RORA: variants seen among roughly 807,000 people sequenced by gnomAD.
RORA encodes RAR related orphan receptor A, also known as nuclear receptor ROR-alpha.
In RORA, 7 loss-of-function variants were observed where a neutral mutation model predicts 69.5. The observed-to-expected ratio is 0.10, with a 90% CI of 0.06 to 0.19. RORA has a LOEUF of 0.19. RORA is among the 10% of genes least tolerant of loss of function. The pLI is 1.00. For synonymous variants in RORA, 261 were observed against 240.8 expected (o/e 1.08, Z -0.78); for missense variants, 457 against 663.0 (o/e 0.69, Z 3.41).
At chr15:61,044,351 C>G (rs1247282063) in intron 1 of RORA, among the ~76,000 whole-genome samples, 1 of 152,166 alleles carries the variant, frequency 6.6e-6, no homozygotes, top group East Asian at 1.9e-4. Flanking sequence ...CCTTCCGCTC[C>G]TCTCAGAGTC....
intron 1 of RORA, among the ~76,000 whole-genome samples, chr15:60,946,795 C>T (rs1406534590): frequency 1.3e-5 from 2 of 151,834 alleles, no homozygotes; most frequent in Admixed American, 1.3e-4. Context: ...GCACCTCTTC[C>T]CGGCCACCAT....
intron 1 of RORA, among the ~76,000 whole-genome samples, chr15:61,186,577 G>A (rs2079743747): frequency 6.7e-6 from 1 of 148,358 alleles, no homozygotes; most frequent in Non-Finnish European, 1.5e-5. Flanking sequence ...GGAGGTGGAG[G>A]TTACAGTGAG....
intron 3 of RORA, among the ~76,000 whole-genome samples, chr15:60,515,738 T>TG: frequency 7.1e-6 from 1 of 140,752 alleles, no homozygotes; most frequent in Non-Finnish European, 1.5e-5. Context: ...TCCAAACACA[T>TG]GGGGGCTTTT....
At chr15:60,499,277 A>G (rs1266243293) in intron 10 of RORA, among the ~76,000 whole-genome samples, 1 of 152,190 alleles carries the variant, frequency 6.6e-6, no homozygotes. Context: ...CACTCCTATA[A>G]TCTCAGCTCT....
At chr15:60,717,903 G>A (rs1015656158) in intron 1 of RORA, among the ~76,000 whole-genome samples, 5 of 147,310 alleles carry the variant, frequency 3.4e-5, no homozygotes, top group Non-Finnish European at 5.9e-5. Context: ...GGGTTCAAGC[G>A]ATTGTCCTGC....
chr15:61,077,334 T>C lies in RORA; in HGVS notation c.166+151719A>G, dbSNP rs142592049. 3.1e-3 allele frequency among the ~76,000 whole-genome samples: 469 copies of C among 152,296 alleles called. 2 individuals carry two copies. Among genetic ancestry groups the C allele is most frequent in the Non-Finnish European group, 5.4e-3 (364 of 68,034 alleles). On this transcript the variant is annotated intron_variant, in intron 1 of 10. Coordinates refer to ENST00000335670, the MANE Select transcript of RORA (RefSeq NM_134261.3). ...TGCCCTACCGGATTCAGGCTCCTAA[T>C]GAAGAAGACATGTTTAGGGGAACTG...
At chr15:61,143,238 A>G (rs1347633377) in intron 1 of RORA, among the ~76,000 whole-genome samples, 1 of 152,120 alleles carries the variant, frequency 6.6e-6, no homozygotes, top group Non-Finnish European at 1.5e-5. Context: ...ATGGGCATAT[A>G]TTTAAAAAAA....
rs1481328982 is a variant in RORA at position 60,494,145 on chromosome 15, T to A, written c.*3310A>T. Reference sequence around the variant, plus strand: ...GGATGCTGAAGACTTTAAAAAAAAATCCATAGCTTTAATACACGTTAAGAT... The same window carrying A: ...GGATGCTGAAGACTTTAAAAAAAAAACCATAGCTTTAATACACGTTAAGAT... On this transcript the variant is annotated 3_prime_UTR_variant, in exon 11 of 11. Coordinates refer to ENST00000335670, the MANE Select transcript of RORA (RefSeq NM_134261.3). The A allele has an allele frequency of 1.3e-5, 2 of 151,670 alleles. No individual in the cohort carries two copies. Among genetic ancestry groups the A allele is most frequent in the African/African-American group, 4.8e-5 (2 of 41,332 alleles). The allele number at this position is 151,670 out of a possible 1,614,324, so 9.4% of individuals were successfully genotyped here. A position where few individuals can be genotyped will look rare whatever the true frequency, so the allele number is the denominator to read the frequency against.
intron 1 of RORA, among the ~76,000 whole-genome samples, chr15:60,916,285 T>C (rs920098531): frequency 2.0e-5 from 3 of 152,204 alleles, no homozygotes; most frequent in Non-Finnish European, 2.9e-5. Flanking sequence ...ACAGATCTGA[T>C]TGGCCAGGGA....
chr15:61,130,758 A>C (rs2079183972), intron 1 of RORA, among the ~76,000 whole-genome samples: 2 of 152,220 alleles, frequency 1.3e-5, no homozygotes, highest in South Asian at 4.1e-4. Flanking sequence ...TACTACTATT[A>C]AAATCCACTC....
chr15:60,850,491 T>G lies in RORA; in HGVS notation c.167-171805A>C, dbSNP rs149689819. On this transcript the variant is annotated intron_variant, in intron 1 of 10. Transcript: ENST00000335670. ...TTGACCTCTCTAGACTTTGGGTTCCTCATCTCTAAAATGGGGATAATAATG... is the reference window on the plus strand; with the variant it reads ...TTGACCTCTCTAGACTTTGGGTTCCGCATCTCTAAAATGGGGATAATAATG... Among the ~76,000 whole-genome samples the G allele has an allele frequency of 1.5e-3, 230 of 152,294 alleles. 1 individual carries two copies. The highest frequency in any genetic ancestry group is 5.4e-3 in the African/African-American group (225 of 41,562).
chr15:60,917,788 C>T (rs1326071086), intron 1 of RORA, among the ~76,000 whole-genome samples: 1 of 152,196 alleles, frequency 6.6e-6, no homozygotes, highest in African/African-American at 2.4e-5. Context: ...GAAGCATCGG[C>T]CCTTATTTCC....
At chr15:61,183,684 A>T (rs1288540200) in intron 1 of RORA, among the ~76,000 whole-genome samples, 3 of 152,038 alleles carry the variant, frequency 2.0e-5, no homozygotes, top group African/African-American at 7.2e-5. Flanking sequence ...ATCCTCATTT[A>T]TTCTGATTTT....
At chr15:60,520,541 T>C (rs1420611133) in intron 3 of RORA, among the ~76,000 whole-genome samples, 1 of 152,172 alleles carries the variant, frequency 6.6e-6, no homozygotes, top group East Asian at 1.9e-4. Context: ...GGTACCTTCC[T>C]ACCTCAAGGT....
At chr15:61,199,823 G>A (rs1023750311) in intron 1 of RORA, among the ~76,000 whole-genome samples, 4 of 152,176 alleles carry the variant, frequency 2.6e-5, no homozygotes, top group African/African-American at 9.7e-5. Flanking sequence ...GCATATACCT[G>A]ACTGAGGAAT....
intron 1 of RORA, among the ~76,000 whole-genome samples, chr15:60,746,304 T>C (rs112262540): frequency 3.3e-5 from 5 of 152,270 alleles, no homozygotes; most frequent in African/African-American, 1.2e-4. Context: ...GCATTTTTTT[T>C]TTAATTTAAT....
At chr15:60,509,264 C>T (rs1469151209) in intron 5 of RORA, among the ~76,000 whole-genome samples, 1 of 152,216 alleles carries the variant, frequency 6.6e-6, no homozygotes, top group East Asian at 1.9e-4. Flanking sequence ...CAATTATATA[C>T]TTTCCAGATA....
At chr15:60,674,018 G>T (rs918212066) in intron 2 of RORA, among the ~76,000 whole-genome samples, 2 of 152,224 alleles carry the variant, frequency 1.3e-5, no homozygotes, top group African/African-American at 4.8e-5. Flanking sequence ...TGGGCAGACA[G>T]GATCTGGATG....
At chr15:60,533,427 G>A (rs930518510) in intron 2 of RORA, among the ~76,000 whole-genome samples, 2 of 152,176 alleles carry the variant, frequency 1.3e-5, no homozygotes, top group Non-Finnish European at 2.9e-5. Flanking sequence ...TTCAACAAAA[G>A]TTGTCATTTG....
Sources: gnomAD v4.1 joint callset for allele counts (sites outside exome capture counted in the v4.1 genomes callset) on GRCh38, gnomAD v4.1.1 for gene constraint, MANE v1.5 for transcripts, NCBI Gene and HGNC (gene_info 2026-07-23, HGNC 2026-07-21) for gene names.